Variants in TIAM2 observed in about 807,000 individuals in gnomAD.
TIAM2 encodes the protein rho guanine nucleotide exchange factor TIAM2.
A neutral mutation model predicts 152.9 loss-of-function variants in TIAM2; 80 were observed. That is an observed-to-expected ratio of 0.52 (90% confidence interval 0.44 to 0.63). The LOEUF is 0.63. Ranked by LOEUF, TIAM2 falls within the 30% of genes least tolerant of loss-of-function variation. The probability of loss-of-function intolerance (pLI) is 0.00; values close to 1 mark genes in which losing one functional copy is unlikely to be tolerated. For synonymous variants in TIAM2, 804 were observed against 838.0 expected (o/e 0.96, Z 0.70); for missense variants, 1,965 against 2,120.1 (o/e 0.93, Z 1.44).
Position 155,184,479 on chromosome 6 carries a change from C to T in TIAM2, c.3064+979C>T, listed in dbSNP as rs58315741. 9.8e-3 allele frequency among the ~76,000 whole-genome samples: 1,487 copies of T among 151,182 alleles called. 21 individuals carry two copies. Among genetic ancestry groups the T allele is most frequent in the African/African-American group, 0.035 (1,422 of 40,582 alleles). On this transcript the variant is annotated intron_variant, in intron 14 of 26. Coordinates refer to ENST00000682666, the MANE Select transcript of TIAM2 (RefSeq NM_012454.4). ...ACTGCAGTCAAGTAAATTAGGGGCT[C>T]GGCTAGTACTGAAAACCAGTAGTTT...
At chr6:155,094,511 G>A (rs1310258382) in intron 2 of TIAM2, among the ~76,000 whole-genome samples, 2 of 148,692 alleles carry the variant, frequency 1.3e-5, no homozygotes, top group Non-Finnish European at 3.0e-5. Flanking sequence ...TGTGTCTTTA[G>A]ACTGCATGAC....
chr6:155,063,146 G>C (rs1562305063), intron 1 of TIAM2, among the ~76,000 whole-genome samples: 4 of 151,960 alleles, frequency 2.6e-5, no homozygotes, highest in South Asian at 4.1e-4. Flanking sequence ...AAAATAACTG[G>C]TTCAGATTTA....
At chr6:155,124,330 A>G (rs2115028966) in intron 2 of TIAM2, among the ~76,000 whole-genome samples, 1 of 139,534 alleles carries the variant, frequency 7.2e-6, no homozygotes, top group African/African-American at 2.7e-5. Flanking sequence ...CAGGTTTTGA[A>G]CTTTTTTTTT....
intron 5 of TIAM2, among the ~76,000 whole-genome samples, chr6:155,140,055 T>C (rs888312541): frequency 6.6e-6 from 1 of 152,240 alleles, no homozygotes; most frequent in African/African-American, 2.4e-5. Flanking sequence ...GTAAATGTGA[T>C]TTCAAAGAGC....
At chr6:155,094,326 T>C (rs1778364820) in intron 2 of TIAM2, among the ~76,000 whole-genome samples, 1 of 152,118 alleles carries the variant, frequency 6.6e-6, no homozygotes, top group Non-Finnish European at 1.5e-5. Flanking sequence ...GTTGTTTTCT[T>C]TTAGTAGAAT....
At chr6:155,047,534 A>C (rs1394668055) in intron 1 of TIAM2, among the ~76,000 whole-genome samples, 1 of 152,068 alleles carries the variant, frequency 6.6e-6, no homozygotes, top group African/African-American at 2.4e-5. Context: ...GAGAAATCCT[A>C]TCGCCACACC....
intron 1 of TIAM2, among the ~76,000 whole-genome samples, chr6:155,077,043 C>T (rs551765816): frequency 3.9e-5 from 6 of 152,234 alleles, no homozygotes; most frequent in South Asian, 2.1e-4. Context: ...ACATACATAA[C>T]GTTTATGAAT....
chr6:155,246,992 C>G (rs1025390590), intron 19 of TIAM2, among the ~76,000 whole-genome samples: 4 of 152,236 alleles, frequency 2.6e-5, no homozygotes, highest in Admixed American at 6.5e-5. Flanking sequence ...CACCTGGATT[C>G]CTACACACAC....
chr6:155,116,377 T>C (rs1779011332), intron 2 of TIAM2, among the ~76,000 whole-genome samples: 1 of 151,918 alleles, frequency 6.6e-6, no homozygotes, highest in Non-Finnish European at 1.5e-5. Flanking sequence ...CCTGAAGACA[T>C]ACATTTCTAA....
chr6:155,244,972 C>G, intron 18 of TIAM2, 189 bp downstream of exon 18: 1 of 667,866 alleles, frequency 1.5e-6, no homozygotes, highest in Non-Finnish European at 2.2e-6. Flanking sequence ...TTTTTTTTTC[C>G]TGGCGCAGGT....
chr6:155,070,208 A>ATTTTTTTT (rs1777806540), intron 1 of TIAM2, among the ~76,000 whole-genome samples: 1 of 79,352 alleles, frequency 1.3e-5, no homozygotes, highest in African/African-American at 6.3e-5. Flanking sequence ...GCCTGGCCAG[A>ATTTTTTTT]CTTTTTTTTT....
At chr6:155,127,641 A>G (rs1779328138) in intron 3 of TIAM2, 41 bp downstream of exon 3, 1 of 455,508 alleles carries the variant, frequency 2.2e-6, no homozygotes, top group South Asian at 1.6e-5. Flanking sequence ...GTCAAGTTGC[A>G]TGACTGTGAT....
At chr6:155,161,203 G>A (rs1250466625) in intron 7 of TIAM2, among the ~76,000 whole-genome samples, 5 of 138,850 alleles carry the variant, frequency 3.6e-5, no homozygotes, top group Admixed American at 1.5e-4. Flanking sequence ...TCTGAGCCGG[G>A]GTATCGGGTC....
chr6:155,006,499 T>A (rs1260778533), intron 1 of TIAM2, among the ~76,000 whole-genome samples: 1 of 151,466 alleles, frequency 6.6e-6, no homozygotes, highest in Non-Finnish European at 1.5e-5. Flanking sequence ...AAACCCTGTC[T>A]CTACTCAAAA....
intron 1 of TIAM2, among the ~76,000 whole-genome samples, chr6:155,071,074 G>A (rs565136699): frequency 2.4e-4 from 37 of 152,312 alleles, no homozygotes; most frequent in African/African-American, 8.9e-4. Context: ...TTGGGAGGCT[G>A]AGGGGGGAGG....
rs1018347621 is a variant in TIAM2, at chr6:155,222,613, C to A, written c.3168+11306C>A. 4.7e-5 allele frequency among the ~76,000 whole-genome samples: 4 copies of A among 85,322 alleles called. No homozygotes were observed. In the South Asian group the frequency reaches 1.1e-3, roughly 24 times the overall value. The allele number at this position is 85,322 out of a possible 152,430, so 56.0% of individuals were successfully genotyped here. A position where few individuals can be genotyped will look rare whatever the true frequency, so the allele number is the denominator to read the frequency against. On this transcript the variant is annotated intron_variant, in intron 15 of 26. Coordinates refer to ENST00000682666, the MANE Select transcript of TIAM2 (RefSeq NM_012454.4). ...AAGACTCTGTTTCAAAAACAAAAAA[C>A]AAACAAAAAAAAAAAACACAAAAAA... is the stretch of plus-strand genomic sequence containing the variant.
intron 6 of TIAM2, among the ~76,000 whole-genome samples, chr6:155,145,932 C>T (rs558675495): frequency 2.6e-5 from 4 of 152,190 alleles, no homozygotes; most frequent in African/African-American, 9.6e-5. Context: ...TGCTTAAAAC[C>T]TTCTATGATA....
chr6:155,040,203 C>T (rs913900225), intron 1 of TIAM2, among the ~76,000 whole-genome samples: 13 of 152,152 alleles, frequency 8.5e-5, no homozygotes, highest in Non-Finnish European at 2.9e-5. Context: ...TCTCATCTTT[C>T]CCCCTCTCTG....
intron 7 of TIAM2, among the ~76,000 whole-genome samples, chr6:155,157,417 C>A (rs1472392300): frequency 6.6e-6 from 1 of 151,780 alleles, no homozygotes; most frequent in Non-Finnish European, 1.5e-5. Context: ...AGTAAATAGA[C>A]CCTTAGGAGA....
Sources: gnomAD v4.1 joint callset for allele counts (sites outside exome capture counted in the v4.1 genomes callset) on GRCh38, gnomAD v4.1.1 for gene constraint, MANE v1.5 for transcripts, NCBI Gene and HGNC (gene_info 2026-07-23, HGNC 2026-07-21) for gene names.